DCP1A: variants seen among roughly 807,000 people sequenced by gnomAD.
DCP1A encodes the protein mRNA-decapping enzyme 1A.
In DCP1A, 20 loss-of-function variants were observed where a neutral mutation model predicts 58.0. The observed-to-expected ratio is 0.34, with a 90% CI of 0.24 to 0.50. The LOEUF is 0.50. DCP1A is among the 20% of genes least tolerant of loss of function. DCP1A has a pLI of 0.98. For synonymous variants in DCP1A, 285 were observed against 275.1 expected (o/e 1.04, Z -0.36); for missense variants, 613 against 712.2 (o/e 0.86, Z 1.59).
At chr3:53,325,257 T>A (rs1708077387) in intron 3 of DCP1A, among the ~76,000 whole-genome samples, 1 of 152,216 alleles carries the variant, frequency 6.6e-6, no homozygotes, top group South Asian at 2.1e-4. Context: ...CCCTTGAGAC[T>A]TCTAGAGATG....
intron 3 of DCP1A, among the ~76,000 whole-genome samples, chr3:53,320,836 T>C (rs564302012): frequency 6.6e-6 from 1 of 152,356 alleles, no homozygotes; most frequent in Non-Finnish European, 1.5e-5. Context: ...TACAATGTTG[T>C]AATTTCAAGA....
At chr3:53,339,177 T>G (rs13082092) in intron 3 of DCP1A, among the ~76,000 whole-genome samples, 44,615 of 152,068 alleles carry the variant, frequency 0.29, 7,558 homozygotes, top group Admixed American at 0.39. Flanking sequence ...TTTCCACTTT[T>G]AAGACTATGT....
At chr3:53,323,545 AC>A (rs1553690252) in intron 3 of DCP1A, among the ~76,000 whole-genome samples, 1 of 152,190 alleles carries the variant, frequency 6.6e-6, no homozygotes, top group Non-Finnish European at 1.5e-5. Flanking sequence ...ATCTGGACAT[AC>A]CAAAACAATA....
chr3:53,341,754 G>A (rs2089208313), intron 3 of DCP1A, among the ~76,000 whole-genome samples: 1 of 152,056 alleles, frequency 6.6e-6, no homozygotes, highest in South Asian at 2.1e-4. Context: ...GCCCAGGCTG[G>A]AGTACAGTGG....
rs545363494 is a variant in DCP1A at position 53,319,087 on chromosome 3, T to C, written c.371+320A>G. Among the ~76,000 whole-genome samples the C allele has an allele frequency of 8.1e-4, 123 of 152,310 alleles. 1 individual carries two copies. Among genetic ancestry groups the C allele is most frequent in the African/African-American group, 2.9e-3 (119 of 41,560 alleles). On this transcript the variant is annotated intron_variant, in intron 4 of 9. Transcript: ENST00000610213. The stretch of plus-strand genomic sequence containing the variant: ...ATAAATACTACAGAGAAAGATTTAA[T>C]GCCCTGGAAAAATGCTGTTGATATG...
At chr3:53,297,396 T>C (rs1553686898) in intron 6 of DCP1A, among the ~76,000 whole-genome samples, 1 of 151,690 alleles carries the variant, frequency 6.6e-6, no homozygotes, top group African/African-American at 2.4e-5. Context: ...GGAGTCTTGC[T>C]GTCACCCAGG....
At chr3:53,290,371 T>G (rs1330389780) in intron 8 of DCP1A, among the ~76,000 whole-genome samples, 1 of 152,072 alleles carries the variant, frequency 6.6e-6, no homozygotes, top group Non-Finnish European at 1.5e-5. Context: ...TACCACACTC[T>G]TAGCAGTCAC....
intron 5 of DCP1A, among the ~76,000 whole-genome samples, chr3:53,304,881 C>A (rs1707423985): frequency 1.3e-5 from 2 of 152,020 alleles, no homozygotes; most frequent in African/African-American, 4.8e-5. Flanking sequence ...CTGTGCCCAG[C>A]CTGATTTTAT....
intron 3 of DCP1A, among the ~76,000 whole-genome samples, chr3:53,327,774 G>C (rs782060104): frequency 6.0e-5 from 9 of 150,044 alleles, no homozygotes; most frequent in Non-Finnish European, 1.2e-4. Context: ...CTGGGCAACA[G>C]AGCAAGATTC....
rs570415146 is a variant in DCP1A at position 53,284,301 on chromosome 3, C to T, written c.*3279G>A. ...TTAGTAATACAATGGCAGTTAGGGC[C>T]TCTACTATGGAAATGAGAAAATTTC... On this transcript the variant is annotated 3_prime_UTR_variant, in exon 10 of 10. Coordinates refer to ENST00000610213, the MANE Select transcript of DCP1A (RefSeq NM_018403.7). The T allele has an allele frequency of 7.2e-5, 11 of 152,224 alleles. 1 individual carries two copies. The South Asian group carries it at 1.9e-3, about 26-fold the overall frequency. 9.4% of individuals were successfully genotyped at this position (152,224 alleles called of 1,614,324 possible).
intron 4 of DCP1A, 45 bp from the exon 5 acceptor site, chr3:53,312,424 A>C (rs1271246760): frequency 6.7e-7 from 1 of 1,495,816 alleles, no homozygotes; most frequent in Non-Finnish European, 8.9e-7. Flanking sequence ...TTGAAACAAA[A>C]TCTGACCCAA....
chr3:53,331,118 A>G (rs1553691243), intron 3 of DCP1A, among the ~76,000 whole-genome samples: 1 of 152,146 alleles, frequency 6.6e-6, no homozygotes, highest in East Asian at 1.9e-4. Context: ...TGGCCTCCCA[A>G]AGTGCTGGGA....
intron 6 of DCP1A, among the ~76,000 whole-genome samples, chr3:53,303,855 T>C (rs1179552863): frequency 6.6e-6 from 1 of 152,114 alleles, no homozygotes; most frequent in Non-Finnish European, 1.5e-5. Flanking sequence ...CTGGCTATGA[T>C]TTGAGTGAGC....
At chr3:53,307,499 T>TG (rs1376348656) in intron 5 of DCP1A, among the ~76,000 whole-genome samples, 3 of 152,222 alleles carry the variant, frequency 2.0e-5, no homozygotes, top group African/African-American at 7.2e-5. Context: ...CCCTGGCTCT[T>TG]GGGGCATTTG....
intron 3 of DCP1A, among the ~76,000 whole-genome samples, chr3:53,328,654 C>T (rs1708176684): frequency 6.6e-6 from 1 of 152,126 alleles, no homozygotes; most frequent in Non-Finnish European, 1.5e-5. Context: ...ACAAAGTTAC[C>T]AAGAAGGCAC....
rs1706609402 is a variant in DCP1A, at chr3:53,285,737, A to G, written c.*1843T>C. 1 of 152,186 alleles carries G rather than the reference A, an allele frequency of 6.6e-6. No homozygotes were observed. The highest frequency in any genetic ancestry group is 1.5e-5 in the Non-Finnish European group (1 of 68,036). The allele number at this position is 152,186 out of a possible 1,614,324, so 9.4% of individuals were successfully genotyped here. On this transcript the variant is annotated 3_prime_UTR_variant, in exon 10 of 10. Transcript: ENST00000610213. Reference sequence around the variant, plus strand: ...GTTCACCGAAGCCCACTGAGACTACACTTGAGGTGCAATCACACCTACTGG... The same window carrying G: ...GTTCACCGAAGCCCACTGAGACTACGCTTGAGGTGCAATCACACCTACTGG...
intron 3 of DCP1A, among the ~76,000 whole-genome samples, chr3:53,327,389 G>A (rs1324213627): frequency 1.3e-5 from 2 of 152,206 alleles, no homozygotes; most frequent in East Asian, 1.9e-4. Flanking sequence ...GGTCACACAC[G>A]TCATTTTATC....
At chr3:53,309,824 A>G (rs1188975132) in intron 5 of DCP1A, among the ~76,000 whole-genome samples, 2 of 152,250 alleles carry the variant, frequency 1.3e-5, no homozygotes, top group Non-Finnish European at 2.9e-5. Context: ...TTCGTTCATT[A>G]TATCATACTC....
In DCP1A at chr3:53,287,625, G is replaced by C. The variant is rs7647927; in HGVS notation, c.1704C>G (p.Val568=). ...TGTTCTTGGTCAGAACCTGCAAGTA[G>C]ACTTCATGAAGTGTACTGAGGAAGC... The part of the protein sequence containing the change: ...DSSFLSTLHE[V]YLQVLTKNKD... Residue 568 remains valine (V), a synonymous_variant, in exon 10 of 10, where the codon GTC becomes GTG. Coordinates refer to ENST00000610213, the MANE Select transcript of DCP1A (RefSeq NM_018403.7). 1.0e-3 allele frequency: 1,626 copies of C among 1,611,926 alleles called. 12 individuals carry two copies. The African/African-American group carries it at 0.019, about 19-fold the overall frequency.
Sources: allele counts gnomAD v4.1 joint callset (sites outside exome capture counted in the v4.1 genomes callset), GRCh38; gene constraint gnomAD v4.1.1; transcripts MANE v1.5; gene names NCBI Gene and HGNC (gene_info 2026-07-23, HGNC 2026-07-21).